Variants in FGGY observed in about 807,000 individuals in gnomAD.
FGGY encodes FGGY carbohydrate kinase domain-containing protein.
A neutral mutation model predicts 71.3 loss-of-function variants in FGGY; 72 were observed. The observed-to-expected ratio is 1.01, with a 90% confidence interval of 0.84 to 1.23. FGGY has a LOEUF of 1.23. Among genes scored for constraint, FGGY ranks in the 50% most tolerant of loss-of-function variants. The probability of loss-of-function intolerance (pLI) is 0.00; values close to 1 mark genes in which losing one functional copy is unlikely to be tolerated. For missense variants in FGGY, 668 were observed against 682.3 expected (o/e 0.98, Z 0.23); for synonymous variants, 251 against 250.3 (o/e 1.00, Z -0.02).
chr1:59,659,234 G>A (rs2097252297), intron 11 of FGGY, among the ~76,000 whole-genome samples: 1 of 152,136 alleles, frequency 6.6e-6, no homozygotes, highest in Non-Finnish European at 1.5e-5. Flanking sequence ...TTCCTGGTTT[G>A]GGTAACTGAA....
At chr1:59,734,130 A>C (rs2098076775) in intron 14 of FGGY, among the ~76,000 whole-genome samples, 1 of 152,104 alleles carries the variant, frequency 6.6e-6, no homozygotes, top group Non-Finnish European at 1.5e-5. Context: ...CTCATTCCTC[A>C]AGTATCAGTT....
At chr1:59,439,641 C>A (rs1342565024) in intron 5 of FGGY, among the ~76,000 whole-genome samples, 1 of 152,150 alleles carries the variant, frequency 6.6e-6, no homozygotes. Flanking sequence ...TGATCGAAAC[C>A]CTCCCTTACT....
At chr1:59,623,248 T>C (rs1252857493) in intron 9 of FGGY, among the ~76,000 whole-genome samples, 2 of 152,166 alleles carry the variant, frequency 1.3e-5, no homozygotes, top group African/African-American at 4.8e-5. Flanking sequence ...TCATCATTTT[T>C]CTCTCCAAAT....
At chr1:59,371,668 C>T (rs146755446) in intron 4 of FGGY, among the ~76,000 whole-genome samples, 2,107 of 152,292 alleles carry the variant, frequency 0.014, 20 homozygotes, top group Middle Eastern at 0.027. Context: ...GTAAGGCTCT[C>T]CTCAGCAAAT....
At chr1:59,356,821 G>T (rs1293509550) in intron 4 of FGGY, among the ~76,000 whole-genome samples, 1 of 152,050 alleles carries the variant, frequency 6.6e-6, no homozygotes, top group African/African-American at 2.4e-5. Flanking sequence ...CCTGTTACCG[G>T]AGTCACAGCT....
chr1:59,576,627 C>T (rs2096079827), intron 8 of FGGY, among the ~76,000 whole-genome samples: 1 of 150,564 alleles, frequency 6.6e-6, no homozygotes, highest in African/African-American at 2.4e-5. Flanking sequence ...AAAATTTTTC[C>T]AGTGAGAGTG....
intron 14 of FGGY, among the ~76,000 whole-genome samples, chr1:59,694,607 C>T (rs868699309): frequency 6.6e-6 from 1 of 151,798 alleles, no homozygotes; most frequent in South Asian, 2.1e-4. Flanking sequence ...CAGGATTTCT[C>T]AGAGTCTTCT....
chr1:59,700,099 G>A (rs775356863), intron 14 of FGGY, among the ~76,000 whole-genome samples: 1 of 152,008 alleles, frequency 6.6e-6, no homozygotes, highest in African/African-American at 2.4e-5. Flanking sequence ...AAAATTCTTC[G>A]ATTATATAAA....
intron 5 of FGGY, among the ~76,000 whole-genome samples, chr1:59,422,696 GAAA>G (rs138277726): frequency 1.6e-5 from 2 of 125,880 alleles, no homozygotes; most frequent in African/African-American, 2.9e-5. Flanking sequence ...TGTCTCAAAG[GAAA>G]AAAAAAAAAA....
At chr1:59,414,014 G>T (rs970527042) in intron 5 of FGGY, among the ~76,000 whole-genome samples, 17 of 152,118 alleles carry the variant, frequency 1.1e-4, no homozygotes, top group African/African-American at 3.9e-4. Context: ...CATGGAGCTG[G>T]GGACAAAAAT....
At position 59,757,967 on chromosome 1, in the gene FGGY, G is replaced by T; in HGVS notation, c.1549G>T (p.Val517Leu). The change falls in exon 15 of 16, where the codon GTG (valine) becomes TTG (leucine). Residue 517 changes from valine to leucine, a missense_variant. Physicochemically the swap from Val to Leu is conservative, Grantham distance 32 (BLOSUM62 1). Coordinates refer to ENST00000303721, the MANE Select transcript of FGGY (RefSeq NM_018291.5). The stretch of plus-strand genomic sequence containing the variant: ...AAAAATGAGCAAAGTTGGGAAAGTT[G>T]TGTTCCCGAGACTACAGGATAAAAA... ...MAKMSKVGKV[V>L]FPRLQDKKYY... is the part of the protein sequence containing the mutation. 1 of 1,613,152 alleles carries T rather than the reference G, an allele frequency of 6.2e-7. No individual in the cohort carries two copies.
chr1:59,519,107 T>C (rs1190988440), intron 7 of FGGY, among the ~76,000 whole-genome samples: 1 of 152,230 alleles, frequency 6.6e-6, no homozygotes, highest in Non-Finnish European at 1.5e-5. Context: ...CTCACAAGAC[T>C]ACCTAACATT....
At chr1:59,546,950 CTTTTT>C (rs761977942) in intron 7 of FGGY, among the ~76,000 whole-genome samples, 1 of 115,208 alleles carries the variant, frequency 8.7e-6, no homozygotes, top group Non-Finnish European at 1.8e-5. Context: ...ACCTTTTTGA[CTTTTT>C]TTTTTTTTTT....
intron 14 of FGGY, among the ~76,000 whole-genome samples, chr1:59,706,370 G>A (rs1277058866): frequency 1.3e-5 from 2 of 152,292 alleles, no homozygotes; most frequent in East Asian, 1.9e-4. Context: ...GCTGTAAGAT[G>A]AGAGTGCTAA....
intron 13 of FGGY, chr1:59,673,810 A>G (rs2097405356): frequency 2.0e-6 from 1 of 494,214 alleles, no homozygotes. Context: ...GTTGATATAT[A>G]TGGTGTTGGT....
At chr1:59,412,835 C>T (rs374001584) in intron 5 of FGGY, among the ~76,000 whole-genome samples, 37 of 152,248 alleles carry the variant, frequency 2.4e-4, no homozygotes, top group African/African-American at 7.9e-4. Flanking sequence ...GAGTGGGCCA[C>T]GTGGGGCCTG....
At chr1:59,494,421 T>G (rs2093971216) in intron 6 of FGGY, among the ~76,000 whole-genome samples, 1 of 152,112 alleles carries the variant, frequency 6.6e-6, no homozygotes, top group South Asian at 2.1e-4. Context: ...GGGAATAAGG[T>G]TGGCATGTTT....
intron 6 of FGGY, among the ~76,000 whole-genome samples, chr1:59,504,103 A>G (rs552627793): frequency 6.6e-6 from 1 of 151,050 alleles, no homozygotes; most frequent in East Asian, 1.9e-4. Flanking sequence ...AAAAGCCTCC[A>G]TAAAAACCCA....
chr1:59,365,013 G>C (rs901681493), intron 4 of FGGY, among the ~76,000 whole-genome samples: 3 of 152,206 alleles, frequency 2.0e-5, no homozygotes. Flanking sequence ...GGAAATCAAG[G>C]AGGAGGAACA....
Sources: gnomAD v4.1 joint callset for allele counts (sites outside exome capture counted in the v4.1 genomes callset) on GRCh38, gnomAD v4.1.1 for gene constraint, MANE v1.5 for transcripts, NCBI Gene and HGNC (gene_info 2026-07-23, HGNC 2026-07-21) for gene names.